ARHGAP31: variants seen among roughly 807,000 people sequenced by gnomAD.
The protein encoded by ARHGAP31 is rho GTPase-activating protein 31.
A neutral mutation model predicts 113.9 loss-of-function variants in ARHGAP31; 34 were observed. The ratio of observed to expected loss-of-function variants is 0.30; its 90% CI spans 0.23 to 0.40. The LOEUF is 0.40. ARHGAP31 is among the 10% of genes least tolerant of loss of function. The pLI is 1.00. For synonymous variants in ARHGAP31, 650 were observed against 684.8 expected (o/e 0.95, Z 0.79); for missense variants, 1,548 against 1,767.1 (o/e 0.88, Z 2.22).
intron 3 of ARHGAP31, among the ~76,000 whole-genome samples, chr3:119,371,930 G>A (rs1429814499): frequency 6.6e-6 from 1 of 151,962 alleles, no homozygotes; most frequent in African/African-American, 2.4e-5. Flanking sequence ...TCCTGCAAAG[G>A]ACATGATCTT....
At chr3:119,397,092 C>A (rs2080559180) in intron 8 of ARHGAP31, among the ~76,000 whole-genome samples, 1 of 152,154 alleles carries the variant, frequency 6.6e-6, no homozygotes, top group Non-Finnish European at 1.5e-5. Flanking sequence ...GGGGAGTACA[C>A]CTCTGTGAGG....
chr3:119,325,669 G>C (rs551155783), intron 1 of ARHGAP31, among the ~76,000 whole-genome samples: 33 of 152,066 alleles, frequency 2.2e-4, no homozygotes, highest in African/African-American at 6.7e-4. Context: ...GGGGGGGAAG[G>C]GGGGGACGGA....
chr3:119,337,406 T>G (rs992830653), intron 1 of ARHGAP31, among the ~76,000 whole-genome samples: 16 of 152,062 alleles, frequency 1.1e-4, no homozygotes, highest in South Asian at 2.1e-4. Context: ...ACCTTTGTGG[T>G]GAGTGTTACA....
At chr3:119,363,317 A>T (rs954192514) in intron 1 of ARHGAP31, among the ~76,000 whole-genome samples, 9 of 152,206 alleles carry the variant, frequency 5.9e-5, no homozygotes, top group Non-Finnish European at 1.2e-4. Context: ...ACCCTATTTT[A>T]TAAAACAGAT....
chr3:119,296,631 CTA>C (rs1362506007), intron 1 of ARHGAP31, among the ~76,000 whole-genome samples: 2 of 152,094 alleles, frequency 1.3e-5, no homozygotes, highest in African/African-American at 4.8e-5. Flanking sequence ...TTCTTACAAA[CTA>C]ATAGATTATA....
At chr3:119,302,963 G>GC (rs2079597923) in intron 1 of ARHGAP31, among the ~76,000 whole-genome samples, 1 of 152,294 alleles carries the variant, frequency 6.6e-6, no homozygotes, top group East Asian at 1.9e-4. Flanking sequence ...TTGAAGCCCA[G>GC]CCAGACCCTA....
rs752097999 is a variant in ARHGAP31 at position 119,414,621 on chromosome 3, G to T, written c.2692G>T (p.Ala898Ser). 5.0e-6 allele frequency: 8 copies of T among 1,614,208 alleles called. No homozygotes were observed. The highest frequency in any genetic ancestry group is 6.8e-6 in the Non-Finnish European group (8 of 1,180,030). The change falls in exon 12 of 12, where the codon GCC becomes TCC. Residue 898 changes from alanine (A) to serine (S), a missense_variant. Physicochemically the swap from Ala to Ser is moderately conservative, Grantham distance 99. Transcript: ENST00000264245. ...CGAAGATGACACTGTGACAGACATTGCCCAGCATGGCCTGGAGATGGTGGA... is the reference window on the plus strand; with the variant it reads ...CGAAGATGACACTGTGACAGACATTTCCCAGCATGGCCTGGAGATGGTGGA... ...CDEDDTVTDIAQHGLEMVEPW... is the reference protein window; with the variant it reads ...CDEDDTVTDISQHGLEMVEPW...
At chr3:119,329,348 G>A (rs76692308) in intron 1 of ARHGAP31, among the ~76,000 whole-genome samples, 5,287 of 152,174 alleles carry the variant, frequency 0.035, 134 homozygotes, top group South Asian at 0.084. Context: ...AGAACTACAC[G>A]CACATGCCAC....
Position 119,413,945 on chromosome 3 carries a change from G to A in ARHGAP31, c.2016G>A (p.Leu672=), listed in dbSNP as rs371352684. The A allele has an allele frequency of 3.1e-6, 5 of 1,614,198 alleles. No individual in the cohort carries two copies. The highest frequency in any genetic ancestry group is 4.2e-6 in the Non-Finnish European group (5 of 1,180,044). Residue 672 remains leucine (L), a synonymous_variant, in exon 12 of 12, where the codon TTG becomes TTA. Transcript: ENST00000264245. ...AATCTGAGGAGGAGCTCTCATCGTT[G>A]CCACCTCCTGCTCTGAAGACCAGCC... ...IIESEEELSS[L]PPPALKTSPI...
At chr3:119,332,635 T>TCA (rs71156743) in intron 1 of ARHGAP31, among the ~76,000 whole-genome samples, 19,811 of 85,580 alleles carry the variant, frequency 0.23, 2,217 homozygotes, top group East Asian at 0.32. Context: ...TCTCTCTCTC[T>TCA]CACACACACA....
At chr3:119,295,737 T>C (rs2079529266) in intron 1 of ARHGAP31, among the ~76,000 whole-genome samples, 1 of 151,828 alleles carries the variant, frequency 6.6e-6, no homozygotes. Flanking sequence ...AACTTCTCTG[T>C]TTTCAAGGTC....
rs371290563 is a variant in ARHGAP31, at chr3:119,414,573, G to C, written c.2644G>C (p.Val882Leu). ...SQEEEDVTHS[V>L]QEPSDCDEDD... ...AGAAGAGGAGGATGTAACCCATTCA[G>C]TACAGGAGCCTTCAGACTGTGACGA... The change falls in exon 12 of 12, where the codon GTA (valine) becomes CTA (leucine). Residue 882 changes from valine (V) to leucine (L), a missense_variant. Transcript: ENST00000264245. 26 of 1,614,228 alleles carry C rather than the reference G, an allele frequency of 1.6e-5. No homozygotes were observed. Among genetic ancestry groups the C allele is most frequent in the Non-Finnish European group, 1.9e-5 (23 of 1,180,042 alleles).
chr3:119,347,121 GCTCA>G (rs146771859), intron 1 of ARHGAP31, among the ~76,000 whole-genome samples: 7,261 of 152,260 alleles, frequency 0.048, 214 homozygotes, highest in Middle Eastern at 0.078. Flanking sequence ...CTCACTGTGC[GCTCA>G]CTAAGATGGT....
At chr3:119,308,835 A>AT (rs926620600) in intron 1 of ARHGAP31, among the ~76,000 whole-genome samples, 12 of 151,956 alleles carry the variant, frequency 7.9e-5, no homozygotes, top group Middle Eastern at 3.4e-3. Context: ...TCATTATATG[A>AT]TTTTTTTTGT....
At chr3:119,372,376 C>T (rs1016186065) in intron 3 of ARHGAP31, among the ~76,000 whole-genome samples, 5 of 151,592 alleles carry the variant, frequency 3.3e-5, no homozygotes, top group South Asian at 2.1e-4. Flanking sequence ...CTCTGCCTCC[C>T]GGGTTCAAGC....
At chr3:119,348,773 T>A (rs1002404437) in intron 1 of ARHGAP31, among the ~76,000 whole-genome samples, 16 of 152,194 alleles carry the variant, frequency 1.1e-4, no homozygotes, top group African/African-American at 3.9e-4. Flanking sequence ...CATCCTTTTT[T>A]TTCTGAATAT....
rs149651758 is a variant in ARHGAP31, at chr3:119,409,864, AT to A, written c.1926+97del. Reference sequence around the variant, plus strand: ...ACAATTTAAAGTAAATTGAAAAAAAATTTTTTTTTGAAAAATCAGTTTCTGC... The same window carrying A: ...ACAATTTAAAGTAAATTGAAAAAAAATTTTTTTTGAAAAATCAGTTTCTGC... On this transcript the variant is annotated intron_variant, in intron 11 of 11. Transcript: ENST00000264245. The A allele has an allele frequency of 0.19, 256,639 of 1,385,820 alleles. 24,896 individuals carry two copies. The highest frequency in any genetic ancestry group is 0.22 in the Admixed American group (7,801 of 35,864). 85.8% of individuals were successfully genotyped at this position (1,385,820 alleles called of 1,614,324 possible). A position where few individuals can be genotyped will look rare whatever the true frequency, so the allele number is the denominator to read the frequency against.
At chr3:119,381,755 A>T (rs1032916035) in intron 4 of ARHGAP31, among the ~76,000 whole-genome samples, 1 of 152,124 alleles carries the variant, frequency 6.6e-6, no homozygotes, top group African/African-American at 2.4e-5. Flanking sequence ...TGGGAGGCCC[A>T]GGCGGGCGAG....
At chr3:119,335,958 A>C (rs1004261883) in intron 1 of ARHGAP31, among the ~76,000 whole-genome samples, 5 of 152,164 alleles carry the variant, frequency 3.3e-5, no homozygotes, top group African/African-American at 1.2e-4. Flanking sequence ...GGATCACTTG[A>C]GGTCAGGAGG....
Sources: gnomAD v4.1 joint callset for allele counts (sites outside exome capture counted in the v4.1 genomes callset) on GRCh38, gnomAD v4.1.1 for gene constraint, MANE v1.5 for transcripts, NCBI Gene and HGNC (gene_info 2026-07-23, HGNC 2026-07-21) for gene names.